The following ALK variants were observed in gnomAD, a reference collection of about 807,000 sequenced individuals.
ALK encodes ALK receptor tyrosine kinase.
ALK carries 74 observed loss-of-function variants against 163.1 expected under a neutral mutation model. The observed-to-expected ratio is 0.45, with a 90% confidence interval of 0.38 to 0.55. ALK has a LOEUF of 0.55. Ranked by LOEUF, ALK falls within the 20% of genes least tolerant of loss-of-function variation. ALK has a pLI of 0.00. For synonymous variants in ALK, 960 were observed against 843.2 expected (o/e 1.14, Z -2.40); for missense variants, 2,063 against 2,105.3 (o/e 0.98, Z 0.39).
At chr2:29,876,091 A>T (rs1190831485) in intron 1 of ALK, among the ~76,000 whole-genome samples, 1 of 152,086 alleles carries the variant, frequency 6.6e-6, no homozygotes, top group East Asian at 1.9e-4. Flanking sequence ...TCTGTTATCT[A>T]CCCTGCCTTT....
At chr2:29,584,298 G>T (rs936881378) in intron 3 of ALK, among the ~76,000 whole-genome samples, 1 of 152,176 alleles carries the variant, frequency 6.6e-6, no homozygotes, top group Non-Finnish European at 1.5e-5. Context: ...TAATTTTAAA[G>T]GCAATGCGTG....
At chr2:29,870,704 T>G (rs1375048005) in intron 1 of ALK, among the ~76,000 whole-genome samples, 1 of 152,206 alleles carries the variant, frequency 6.6e-6, no homozygotes, top group Non-Finnish European at 1.5e-5. Context: ...TACATCTGCT[T>G]CTACAAATAA....
chr2:29,253,887 GATAGA>G (rs1558639957), intron 11 of ALK, among the ~76,000 whole-genome samples: 132 of 142,582 alleles, frequency 9.3e-4, no homozygotes, highest in African/African-American at 3.8e-3. Context: ...TAGATAGATA[GATAGA>G]TAGGTAGATA....
chr2:29,286,519 G>T (rs927570117), intron 9 of ALK: 3 of 152,102 alleles, frequency 2.0e-5, no homozygotes, highest in African/African-American at 7.2e-5. Context: ...CTGGGGCTCT[G>T]AAAGAAAAAA....
chr2:29,727,772 C>T (rs897172533), intron 1 of ALK, among the ~76,000 whole-genome samples: 16 of 152,194 alleles, frequency 1.1e-4, no homozygotes, highest in African/African-American at 3.6e-4. Flanking sequence ...TACTCTGGTG[C>T]TATGTCACCT....
At chr2:29,368,734 T>C (rs1423797714) in intron 5 of ALK, among the ~76,000 whole-genome samples, 2 of 152,198 alleles carry the variant, frequency 1.3e-5, no homozygotes. Flanking sequence ...TCTCTCTCTT[T>C]TCTTCCCTGT....
At chr2:29,279,097 T>G (rs1443452892) in intron 9 of ALK, among the ~76,000 whole-genome samples, 1 of 152,132 alleles carries the variant, frequency 6.6e-6, no homozygotes, top group Non-Finnish European at 1.5e-5. Context: ...ATCTGCGAAG[T>G]CTCTCACAGC....
chr2:29,898,787 A>G (rs1415049055), intron 1 of ALK, among the ~76,000 whole-genome samples: 2 of 152,202 alleles, frequency 1.3e-5, no homozygotes, highest in Non-Finnish European at 2.9e-5. Context: ...TTCAGATGGC[A>G]CCGAAGTTTA....
intron 1 of ALK, among the ~76,000 whole-genome samples, chr2:29,909,476 C>CAGACAGAG (rs1558544217): frequency 1.0e-5 from 1 of 96,708 alleles, no homozygotes; most frequent in Non-Finnish European, 2.2e-5. Context: ...GAGAGACAGA[C>CAGACAGAG]AGACAGAGAG....
chr2:29,217,263 G>A (rs530832224), intron 23 of ALK, among the ~76,000 whole-genome samples: 5 of 148,748 alleles, frequency 3.4e-5, no homozygotes, highest in Non-Finnish European at 7.4e-5. Context: ...CGTGTGTGGT[G>A]TGTTTTTTGT....
chr2:29,844,902 C>T (rs1030868618), intron 1 of ALK, among the ~76,000 whole-genome samples: 11 of 151,970 alleles, frequency 7.2e-5, no homozygotes, highest in Middle Eastern at 6.8e-3. Flanking sequence ...GGCACACACA[C>T]ACAGTACACA....
At position 29,383,780 on chromosome 2, in the gene ALK, G is replaced by A. The variant is rs147102592; in HGVS notation, c.1234C>T (p.Arg412Cys). 2.7e-4 allele frequency: 432 copies of A among 1,614,146 alleles called. No homozygotes were observed. The highest frequency in any genetic ancestry group is 7.7e-4 in the African/African-American group (58 of 75,042). ...AAGAAGTCCACTGCAGACAAGCTGC[G>A]GTTTCCACTGGAGATGTATTCCAGG... ...VALEYISSGN[R>C]SLSAVDFFAL... The change falls in exon 5 of 29, where the codon CGC becomes TGC. Residue 412 changes from arginine (R) to cysteine (C), a missense_variant. Arg to Cys is a radical substitution (Grantham distance 180). This residue lies in a region of ALK where 987 missense variants were observed against 939.5 expected (regional missense o/e 1.05). Coordinates refer to ENST00000389048, the MANE Select transcript of ALK (RefSeq NM_004304.5).
intron 5 of ALK, among the ~76,000 whole-genome samples, chr2:29,374,992 GTGGT>G (rs1374413413): frequency 6.6e-6 from 1 of 152,184 alleles, no homozygotes; most frequent in Non-Finnish European, 1.5e-5. Context: ...ACTGCTCCAG[GTGGT>G]GGCACCTCCC....
At chr2:29,436,285 C>T (rs1363993996) in intron 4 of ALK, among the ~76,000 whole-genome samples, 1 of 152,162 alleles carries the variant, frequency 6.6e-6, no homozygotes, top group Non-Finnish European at 1.5e-5. Flanking sequence ...TAAATGTCAG[C>T]TGATATTGCC....
chr2:29,205,177 A>T (rs1020702579), intron 26 of ALK, among the ~76,000 whole-genome samples: 1 of 152,194 alleles, frequency 6.6e-6, no homozygotes, highest in Non-Finnish European at 1.5e-5. Context: ...GGAGGATATT[A>T]TAGTTTTTTA....
At chr2:29,279,140 C>A (rs1017329626) in intron 9 of ALK, among the ~76,000 whole-genome samples, 1 of 152,194 alleles carries the variant, frequency 6.6e-6, no homozygotes, top group Non-Finnish European at 1.5e-5. Context: ...GGGATGATGC[C>A]GGCTGAGGCT....
At chr2:29,420,154 CTT>C (rs1491339083) in intron 4 of ALK, among the ~76,000 whole-genome samples, 4 of 33,044 alleles carry the variant, frequency 1.2e-4, no homozygotes, top group Non-Finnish European at 2.0e-4. Context: ...GAGACCCTGT[CTT>C]AAAAAAAAAA....
chr2:29,236,359 A>G (rs559120486), intron 13 of ALK, among the ~76,000 whole-genome samples: 34 of 152,242 alleles, frequency 2.2e-4, no homozygotes, highest in African/African-American at 7.9e-4. Flanking sequence ...CCCTCCCCTC[A>G]TGAACAGATC....
intron 1 of ALK, among the ~76,000 whole-genome samples, chr2:29,846,542 A>C (rs1168357782): frequency 1.3e-5 from 2 of 152,170 alleles, no homozygotes; most frequent in Non-Finnish European, 2.9e-5. Flanking sequence ...AATGCTCTCA[A>C]TGAGTTCTTG....
Sources: allele counts gnomAD v4.1 joint callset (sites outside exome capture counted in the v4.1 genomes callset), GRCh38; gene constraint gnomAD v4.1.1; regional missense constraint gnomAD v4.1.1; transcripts MANE v1.5; gene names NCBI Gene and HGNC (gene_info 2026-07-23, HGNC 2026-07-21).